Variants in ZNRF2 observed in about 807,000 individuals in gnomAD.
ZNRF2 encodes the protein zinc and ring finger 2, also known as E3 ubiquitin-protein ligase ZNRF2.
A neutral mutation model predicts 20.4 loss-of-function variants in ZNRF2; 16 were observed. The observed-to-expected ratio is 0.79, with a 90% CI of 0.53 to 1.19. The LOEUF (loss-of-function observed/expected upper bound fraction) is 1.19, where lower values mean the gene tolerates loss of function less well. Ranked by LOEUF, ZNRF2 falls within the 50% of genes most tolerant of loss-of-function variation. The pLI is 0.00. For synonymous variants in ZNRF2, 178 were observed against 144.9 expected (o/e 1.23, Z -1.64); for missense variants, 363 against 332.4 (o/e 1.09, Z -0.72).
At chr7:30,294,872 G>A (rs1163836222) in intron 1 of ZNRF2, among the ~76,000 whole-genome samples, 1 of 151,970 alleles carries the variant, frequency 6.6e-6, no homozygotes, top group Non-Finnish European at 1.5e-5. Flanking sequence ...AGCATTAAGT[G>A]GAAAAACTGT....
chr7:30,308,023 C>T (rs1332623275), intron 1 of ZNRF2, among the ~76,000 whole-genome samples: 1 of 152,086 alleles, frequency 6.6e-6, no homozygotes, highest in African/African-American at 2.4e-5. Flanking sequence ...TCCAGAAATC[C>T]TCCCCTTTGT....
intron 2 of ZNRF2, among the ~76,000 whole-genome samples, chr7:30,327,495 C>G (rs1235556996): frequency 2.6e-5 from 4 of 151,980 alleles, no homozygotes; most frequent in Admixed American, 2.6e-4. Context: ...TTAAACTGTT[C>G]TGCTAGATCA....
At chr7:30,293,557 T>G (rs541799713) in intron 1 of ZNRF2, among the ~76,000 whole-genome samples, 1 of 152,160 alleles carries the variant, frequency 6.6e-6, no homozygotes, top group Non-Finnish European at 1.5e-5. Context: ...CTTAGAAATT[T>G]ATCAGCGACA....
At chr7:30,334,393 A>G (rs953473495) in intron 2 of ZNRF2, among the ~76,000 whole-genome samples, 4 of 151,992 alleles carry the variant, frequency 2.6e-5, no homozygotes, top group Non-Finnish European at 5.9e-5. Flanking sequence ...TTCGGTTCCT[A>G]TAGCCTTGTA....
At chr7:30,342,731 G>T (rs73687805) in intron 2 of ZNRF2, among the ~76,000 whole-genome samples, 8,694 of 152,090 alleles carry the variant, frequency 0.057, 598 homozygotes, top group African/African-American at 0.17. Context: ...TTTTTCAGCA[G>T]AAGTATACAA....
chr7:30,340,507 G>A (rs970808870), intron 2 of ZNRF2, among the ~76,000 whole-genome samples: 8 of 152,116 alleles, frequency 5.3e-5, no homozygotes, highest in Non-Finnish European at 1.0e-4. Flanking sequence ...ATAATCATGT[G>A]GTTTTTGTCA....
chr7:30,309,934 G>A (rs1028798991), intron 1 of ZNRF2, among the ~76,000 whole-genome samples: 1 of 152,176 alleles, frequency 6.6e-6, no homozygotes, highest in Non-Finnish European at 1.5e-5. Flanking sequence ...TAAAAAGTTG[G>A]TATTTGTTTA....
At position 30,285,229 on chromosome 7, in the gene ZNRF2, C is replaced by A; in HGVS notation, c.-129C>A. The A allele has an allele frequency of 1.4e-6, 1 of 696,416 alleles. No homozygotes were observed. The highest frequency in any genetic ancestry group is 1.9e-6 in the Non-Finnish European group (1 of 522,920). 43.1% of individuals were successfully genotyped at this position (696,416 alleles called of 1,614,324 possible). A position where few individuals can be genotyped will look rare whatever the true frequency, so the allele number is the denominator to read the frequency against. ...TGCCCCTCTGGACGCCGGGCGGCGG[C>A]CCTGGACGTGCGGGGGCCTCTCTGG... On this transcript the variant is annotated 5_prime_UTR_variant, in exon 1 of 5. Coordinates refer to ENST00000323037, the MANE Select transcript of ZNRF2 (RefSeq NM_147128.4).
intron 1 of ZNRF2, among the ~76,000 whole-genome samples, chr7:30,318,682 C>T (rs1328256191): frequency 2.0e-5 from 3 of 152,116 alleles, no homozygotes; most frequent in Admixed American, 2.0e-4. Context: ...ACTGGAGATA[C>T]AAAGAAAAAT....
At chr7:30,315,819 T>A (rs779139491) in intron 1 of ZNRF2, among the ~76,000 whole-genome samples, 1 of 150,586 alleles carries the variant, frequency 6.6e-6, no homozygotes, top group Non-Finnish European at 1.5e-5. Context: ...CATACTGATA[T>A]CTAACATAAA....
At chr7:30,317,000 CT>C (rs369992525) in intron 1 of ZNRF2, among the ~76,000 whole-genome samples, 1 of 151,868 alleles carries the variant, frequency 6.6e-6, no homozygotes, top group Non-Finnish European at 1.5e-5. Context: ...TTTGCCCCCC[CT>C]TTTTTTTACT....
intron 1 of ZNRF2, among the ~76,000 whole-genome samples, chr7:30,313,885 G>A (rs1277297553): frequency 6.6e-6 from 1 of 152,130 alleles, no homozygotes; most frequent in African/African-American, 2.4e-5. Flanking sequence ...GATTTTACAA[G>A]GTCCATTTGT....
intron 1 of ZNRF2, among the ~76,000 whole-genome samples, chr7:30,288,153 CTTATAA>C (rs1424017248): frequency 1.3e-5 from 2 of 152,130 alleles, no homozygotes; most frequent in Non-Finnish European, 2.9e-5. Context: ...AATGAAGAAT[CTTATAA>C]TTAAAAAAGA....
rs1172588276 is a variant in ZNRF2, at chr7:30,349,711, C to G, written c.566-6017C>G. On this transcript the variant is annotated intron_variant, in intron 2 of 4. Coordinates refer to ENST00000323037, the MANE Select transcript of ZNRF2 (RefSeq NM_147128.4). Reference sequence around the variant, plus strand: ...AGTATACAGTAATAAGCTTGAAAATCAGATAAAGATATTAGCTTTGTTGTG... The same window carrying G: ...AGTATACAGTAATAAGCTTGAAAATGAGATAAAGATATTAGCTTTGTTGTG... Among the ~76,000 whole-genome samples the G allele has an allele frequency of 2.0e-5, 3 of 151,966 alleles. No individual in the cohort carries two copies. In the East Asian group the frequency reaches 5.8e-4, roughly 29 times the overall value.
intron 1 of ZNRF2, among the ~76,000 whole-genome samples, chr7:30,315,812 A>G (rs915912688): frequency 2.0e-5 from 3 of 151,202 alleles, no homozygotes; most frequent in Non-Finnish European, 4.4e-5. Context: ...ATTACAGCAT[A>G]CTGATATCTA....
Position 30,330,997 on chromosome 7 carries a change from G to A in ZNRF2, c.565+7260G>A, listed in dbSNP as rs530547938. Among the ~76,000 whole-genome samples the A allele has an allele frequency of 1.3e-3, 198 of 152,196 alleles. 1 individual carries two copies. The highest frequency in any genetic ancestry group is 4.1e-3 in the African/African-American group (170 of 41,538). On this transcript the variant is annotated intron_variant, in intron 2 of 4. Coordinates refer to ENST00000323037, the MANE Select transcript of ZNRF2 (RefSeq NM_147128.4). ...TAACTTGATACAGCTTACATTGTAAGGCAGAATTGAAGAGCTATTTTTGAT... is the reference window on the plus strand; with the variant it reads ...TAACTTGATACAGCTTACATTGTAAAGCAGAATTGAAGAGCTATTTTTGAT...
chr7:30,342,042 C>T (rs1330480072), intron 2 of ZNRF2, among the ~76,000 whole-genome samples: 4 of 150,986 alleles, frequency 2.6e-5, no homozygotes, highest in Non-Finnish European at 5.9e-5. Flanking sequence ...AGGATTTCAA[C>T]CCCTGCTTTT....
chr7:30,320,028 C>A (rs1370038229), intron 1 of ZNRF2, among the ~76,000 whole-genome samples: 1 of 151,998 alleles, frequency 6.6e-6, no homozygotes, highest in African/African-American at 2.4e-5. Flanking sequence ...TGTGTACTAC[C>A]TGTGTGTCCG....
intron 4 of ZNRF2, among the ~76,000 whole-genome samples, chr7:30,364,658 T>C (rs1448872450): frequency 6.6e-6 from 1 of 152,160 alleles, no homozygotes; most frequent in African/African-American, 2.4e-5. Flanking sequence ...TGGCTAAAAT[T>C]ATAGAAGCAT....
Sources: gnomAD v4.1 joint callset for allele counts (sites outside exome capture counted in the v4.1 genomes callset) on GRCh38, gnomAD v4.1.1 for gene constraint, MANE v1.5 for transcripts, NCBI Gene and HGNC (gene_info 2026-07-23, HGNC 2026-07-21) for gene names.